ELF2: variants seen among roughly 807,000 people sequenced by gnomAD.
ELF2 encodes the protein ETS-related transcription factor Elf-2.
ELF2 carries 11 observed loss-of-function variants against 54.8 expected under a neutral mutation model. That is an observed-to-expected ratio of 0.20 (90% CI 0.13 to 0.33). The LOEUF (loss-of-function observed/expected upper bound fraction) is 0.33, where lower values mean the gene tolerates loss of function less well. Among genes scored for constraint, ELF2 ranks in the 10% least tolerant of loss-of-function variants. The pLI is 1.00. For synonymous variants in ELF2, 203 were observed against 245.1 expected, an observed-to-expected ratio of 0.83 and a Z score of 1.61; for missense variants, 513 against 703.0, an observed-to-expected ratio of 0.73 and a Z score of 3.06.
intron 4 of ELF2, chr4:139,115,393 G>A (rs1339458255): frequency 1.5e-5 from 15 of 1,014,274 alleles, no homozygotes; most frequent in African/African-American, 1.1e-4. Flanking sequence ...CCGGGGCCAC[G>A]TGCGCGCATC....
chr4:139,095,146 G>A (rs1305328676), intron 4 of ELF2, among the ~76,000 whole-genome samples: 1 of 150,864 alleles, frequency 6.6e-6, no homozygotes, highest in African/African-American at 2.4e-5. Flanking sequence ...GTTGATAGCT[G>A]GCATCTTCTT....
intron 7 of ELF2, among the ~76,000 whole-genome samples, chr4:139,065,426 T>C (rs1219958883): frequency 6.6e-6 from 1 of 152,220 alleles, no homozygotes; most frequent in African/African-American, 2.4e-5. Flanking sequence ...CAATGAGTTA[T>C]GATCCTGTCA....
At chr4:139,061,441 C>G (rs1204298192) in intron 8 of ELF2, among the ~76,000 whole-genome samples, 1 of 152,158 alleles carries the variant, frequency 6.6e-6, no homozygotes, top group Non-Finnish European at 1.5e-5. Context: ...TCCCACAGTT[C>G]TGGCATTATA....
At chr4:139,163,009 G>A (rs925504568) in intron 1 of ELF2, among the ~76,000 whole-genome samples, 1 of 152,070 alleles carries the variant, frequency 6.6e-6, no homozygotes, top group Admixed American at 6.6e-5. Flanking sequence ...AAGACAGGAG[G>A]ATCCCTTGAC....
intron 4 of ELF2, among the ~76,000 whole-genome samples, chr4:139,104,915 C>G (rs1239020031): frequency 6.6e-6 from 1 of 152,172 alleles, no homozygotes; most frequent in Non-Finnish European, 1.5e-5. Flanking sequence ...TTCCCCAACC[C>G]TATCTACTCT....
intron 4 of ELF2, among the ~76,000 whole-genome samples, chr4:139,105,429 T>C (rs1397637728): frequency 6.6e-6 from 1 of 152,236 alleles, no homozygotes; most frequent in Admixed American, 6.5e-5. Context: ...GTTACACTAT[T>C]TCATACACCT....
intron 4 of ELF2, 22 bp downstream of exon 4, chr4:139,125,142 G>C: frequency 6.3e-7 from 1 of 1,585,378 alleles, no homozygotes; most frequent in East Asian, 2.2e-5. Context: ...TATAAATAAT[G>C]AACATTTTAT....
intron 1 of ELF2, among the ~76,000 whole-genome samples, chr4:139,174,641 T>A (rs989634057): frequency 2.0e-5 from 3 of 152,230 alleles, no homozygotes; most frequent in African/African-American, 7.2e-5. Flanking sequence ...ACAGACTTTT[T>A]TCTGGTCATT....
intron 1 of ELF2, among the ~76,000 whole-genome samples, chr4:139,145,989 C>T (rs1739186179): frequency 1.3e-5 from 2 of 152,188 alleles, no homozygotes; most frequent in African/African-American, 4.8e-5. Context: ...TCACTTTAAT[C>T]ACTTCTTTTC....
At chr4:139,092,073 T>C (rs1419722854) in intron 4 of ELF2, among the ~76,000 whole-genome samples, 1 of 150,650 alleles carries the variant, frequency 6.6e-6, no homozygotes, top group Non-Finnish European at 1.5e-5. Flanking sequence ...TTAAAAATAA[T>C]AAAATAGGCC....
At chr4:139,152,494 G>C (rs1216811841) in intron 1 of ELF2, among the ~76,000 whole-genome samples, 2 of 152,012 alleles carry the variant, frequency 1.3e-5, no homozygotes, top group Admixed American at 6.6e-5. Context: ...ACCATGCCCA[G>C]CTAATTTTTT....
intron 4 of ELF2, among the ~76,000 whole-genome samples, chr4:139,087,512 C>G (rs1340188790): frequency 1.3e-5 from 2 of 152,186 alleles, no homozygotes; most frequent in Admixed American, 1.3e-4. Context: ...GTTGCCCAGG[C>G]TGGAGTACAG....
chr4:139,146,288 T>C (rs892034843), intron 1 of ELF2, among the ~76,000 whole-genome samples: 3 of 152,040 alleles, frequency 2.0e-5, no homozygotes, highest in Non-Finnish European at 2.9e-5. Context: ...TGCAAAAATA[T>C]ATATAAAATA....
chr4:139,106,636 G>C (rs1362497371), intron 4 of ELF2, among the ~76,000 whole-genome samples: 1 of 150,214 alleles, frequency 6.7e-6, no homozygotes, highest in African/African-American at 2.5e-5. Flanking sequence ...TGAAATTATA[G>C]CAGTAAATTA....
rs867102078 is a variant in ELF2 at position 139,115,462 on chromosome 4, C to A, written c.238+9702G>T. 9.5e-6 allele frequency: 9 copies of A among 946,402 alleles called. No homozygotes were observed. In the East Asian group the frequency reaches 3.5e-4, roughly 36 times the overall value. 58.6% of individuals were successfully genotyped at this position (946,402 alleles called of 1,614,324 possible). A position where few individuals can be genotyped will look rare whatever the true frequency, so the allele number is the denominator to read the frequency against. On this transcript the variant is annotated intron_variant, in intron 4 of 9. Transcript: ENST00000686138. ...CCCCGGCTGGCTGGGGTTAGCTCGC[C>A]GCGGCGAGGGCAGCGGCGGGGGTGC...
intron 4 of ELF2, among the ~76,000 whole-genome samples, chr4:139,074,641 T>G (rs773675334): frequency 2.6e-4 from 40 of 151,758 alleles, no homozygotes; most frequent in Admixed American, 6.6e-4. Context: ...GCACCTGTAG[T>G]CCCAGCTACT....
chr4:139,148,560 G>C (rs1304311150), intron 1 of ELF2, among the ~76,000 whole-genome samples: 1 of 151,462 alleles, frequency 6.6e-6, no homozygotes, highest in Non-Finnish European at 1.5e-5. Flanking sequence ...ACATCTGTTA[G>C]TATTTAATTT....
intron 1 of ELF2, among the ~76,000 whole-genome samples, chr4:139,161,312 C>T (rs1316636531): frequency 6.6e-6 from 1 of 152,128 alleles, no homozygotes; most frequent in African/African-American, 2.4e-5. Flanking sequence ...TGTTAGCATA[C>T]ATTTTTGCCT....
chr4:139,127,393 C>A (rs561547097), intron 3 of ELF2, among the ~76,000 whole-genome samples: 9 of 152,304 alleles, frequency 5.9e-5, no homozygotes, highest in African/African-American at 2.2e-4. Context: ...TACTTGAAGA[C>A]AAGCTCATGA....
Sources: allele counts gnomAD v4.1 joint callset (sites outside exome capture counted in the v4.1 genomes callset), GRCh38; gene constraint gnomAD v4.1.1; transcripts MANE v1.5; gene names NCBI Gene and HGNC (gene_info 2026-07-23, HGNC 2026-07-21).